Variants in RHEB observed in about 807,000 individuals in gnomAD.
RHEB encodes GTP-binding protein Rheb.
RHEB carries 2 observed loss-of-function variants against 28.8 expected under a neutral mutation model. The ratio of observed to expected loss-of-function variants is 0.07; its 90% CI spans 0.03 to 0.22. The LOEUF is 0.22. RHEB is among the 10% of genes least tolerant of loss of function. The pLI, the probability that RHEB is intolerant of heterozygous loss-of-function variation, is 1.00. For missense variants in RHEB, 76 were observed against 219.9 expected (o/e 0.35, Z 4.14); for synonymous variants, 69 against 77.3 (o/e 0.89, Z 0.56).
intron 4 of RHEB, among the ~76,000 whole-genome samples, chr7:151,473,281 G>A (rs1802197856): frequency 6.6e-6 from 1 of 152,210 alleles, no homozygotes; most frequent in South Asian, 2.1e-4. Flanking sequence ...CAGGCCAGCG[G>A]CCAGCAAGGA....
intron 1 of RHEB, among the ~76,000 whole-genome samples, chr7:151,513,399 G>A (rs1286442078): frequency 6.6e-6 from 1 of 152,212 alleles, no homozygotes; most frequent in Non-Finnish European, 1.5e-5. Flanking sequence ...AACTCAAGGA[G>A]GAAATTAGAA....
intron 1 of RHEB, chr7:151,498,046 T>C (rs533779139): frequency 8.8e-7 from 1 of 1,130,794 alleles, no homozygotes; most frequent in African/African-American, 1.6e-5. Context: ...GAATGCACCT[T>C]ACAGAAAATG....
At chr7:151,494,432 T>C (rs575568556) in intron 1 of RHEB, among the ~76,000 whole-genome samples, 1 of 152,220 alleles carries the variant, frequency 6.6e-6, no homozygotes, top group Non-Finnish European at 1.5e-5. Context: ...CAAGACAGCA[T>C]GAGATCAAGT....
chr7:151,484,604 A>T (rs1310565201), intron 3 of RHEB, 133 bp downstream of exon 3: 3 of 641,240 alleles, frequency 4.7e-6, no homozygotes, highest in South Asian at 3.8e-5. Context: ...AAGCCAAACC[A>T]TTGGGAGTCA....
chr7:151,500,367 A>T lies in RHEB; in HGVS notation c.53-9353T>A, dbSNP rs569885786. 1.8e-4 allele frequency among the ~76,000 whole-genome samples: 28 copies of T among 152,360 alleles called. No individual in the cohort carries two copies. The South Asian group carries it at 5.8e-3, about 32-fold the overall frequency. On this transcript the variant is annotated intron_variant, in intron 1 of 7. Coordinates refer to ENST00000262187, the MANE Select transcript of RHEB (RefSeq NM_005614.4). ...AGAAACAAAGTATGTACCTGGTTTC[A>T]AGACTTACTAGGAGTCTAAAGTAAT...
chr7:151,471,705 C>T (rs940146270), intron 4 of RHEB, 100 bp from the exon 5 acceptor site: 6 of 753,082 alleles, frequency 8.0e-6, no homozygotes, highest in Non-Finnish European at 1.3e-5. Flanking sequence ...GTCACAGACT[C>T]ACCATTTTAA....
chr7:151,495,502 G>A (rs2150931555), intron 1 of RHEB, among the ~76,000 whole-genome samples: 1 of 152,310 alleles, frequency 6.6e-6, no homozygotes, highest in African/African-American at 2.4e-5. Flanking sequence ...GGCACAGTGA[G>A]TTTCTCAGCT....
intron 4 of RHEB, among the ~76,000 whole-genome samples, chr7:151,476,973 C>A (rs1426008932): frequency 1.3e-5 from 2 of 152,120 alleles, no homozygotes; most frequent in African/African-American, 4.8e-5. Flanking sequence ...TTGAACAAAC[C>A]CAAACCCCCA....
chr7:151,480,236 T>C (rs188910580), intron 3 of RHEB, among the ~76,000 whole-genome samples: 1 of 152,160 alleles, frequency 6.6e-6, no homozygotes, highest in Non-Finnish European at 1.5e-5. Flanking sequence ...CTGCTGATGG[T>C]AGCAAGACCA....
intron 1 of RHEB, among the ~76,000 whole-genome samples, chr7:151,500,769 G>C (rs1461201715): frequency 6.6e-6 from 1 of 152,126 alleles, no homozygotes; most frequent in African/African-American, 2.4e-5. Context: ...CATATTGCTT[G>C]AGCCCAGGAT....
intron 1 of RHEB, among the ~76,000 whole-genome samples, chr7:151,511,729 C>T (rs1802992918): frequency 6.6e-6 from 1 of 151,652 alleles, no homozygotes. Flanking sequence ...CTCACTGCAA[C>T]CTCCCCCTTC....
chr7:151,503,436 C>A, intron 1 of RHEB: 1 of 1,193,876 alleles, frequency 8.4e-7, no homozygotes, highest in Non-Finnish European at 1.2e-6. Context: ...AAGGAGGAGA[C>A]AATGAATTTT....
chr7:151,508,031 CAAT>C (rs577776089), intron 1 of RHEB, among the ~76,000 whole-genome samples: 58 of 152,214 alleles, frequency 3.8e-4, no homozygotes, highest in Middle Eastern at 3.4e-3. Context: ...TGGAAGGCAA[CAAT>C]AATAGCCCTG....
At chr7:151,489,879 C>T (rs374815775) in intron 2 of RHEB, among the ~76,000 whole-genome samples, 12 of 152,216 alleles carry the variant, frequency 7.9e-5, no homozygotes, top group South Asian at 2.1e-4. Flanking sequence ...TGCAGGCTGT[C>T]GTTTGCCAAG....
At chr7:151,471,829 A>C (rs2150920610) in intron 4 of RHEB, 3 of 479,664 alleles carry the variant, frequency 6.3e-6, no homozygotes, top group Non-Finnish European at 1.1e-5. Context: ...GAAACAGGTA[A>C]GGCATTCAAA....
intron 1 of RHEB, among the ~76,000 whole-genome samples, chr7:151,493,120 C>G (rs975799624): frequency 1.3e-5 from 2 of 152,090 alleles, no homozygotes; most frequent in African/African-American, 4.8e-5. Flanking sequence ...GGATGACAGG[C>G]GTGAGCCACC....
At chr7:151,508,422 C>T (rs2150937553) in intron 1 of RHEB, among the ~76,000 whole-genome samples, 1 of 152,330 alleles carries the variant, frequency 6.6e-6, no homozygotes, top group South Asian at 2.1e-4. Flanking sequence ...AGTAGCCATA[C>T]ATGGACAGTA....
rs116514084 is a variant in RHEB, at chr7:151,506,238, G to C, written c.52+13222C>G. Among the ~76,000 whole-genome samples, 706 of 150,186 alleles carry C rather than the reference G, an allele frequency of 4.7e-3. 11 individuals carry two copies. Among genetic ancestry groups the C allele is most frequent in the African/African-American group, 0.017 (677 of 40,742 alleles). On this transcript the variant is annotated intron_variant, in intron 1 of 7. Coordinates refer to ENST00000262187, the MANE Select transcript of RHEB (RefSeq NM_005614.4). ...GTCTCTATCTGTTGCCCAGGCTGGAGTACAATGGCAGGATCATAGCTCACT... is the reference window on the plus strand; with the variant it reads ...GTCTCTATCTGTTGCCCAGGCTGGACTACAATGGCAGGATCATAGCTCACT...
intron 1 of RHEB, among the ~76,000 whole-genome samples, chr7:151,511,091 T>A (rs1156848077): frequency 8.6e-4 from 120 of 139,334 alleles, no homozygotes; most frequent in South Asian, 1.3e-3. Flanking sequence ...AAATAAAAAA[T>A]AAAAAAAAAA....
Sources: allele counts gnomAD v4.1 joint callset (sites outside exome capture counted in the v4.1 genomes callset), GRCh38; gene constraint gnomAD v4.1.1; transcripts MANE v1.5; gene names NCBI Gene and HGNC (gene_info 2026-07-23, HGNC 2026-07-21).